Variants in CDH13 observed in about 807,000 individuals in gnomAD.
CDH13 encodes the protein cadherin 13.
CDH13 carries 24 observed loss-of-function variants against 63.8 expected under a neutral mutation model. That is an observed-to-expected ratio of 0.38 (90% CI 0.27 to 0.53). CDH13 has a LOEUF of 0.53. Among genes scored for constraint, CDH13 ranks in the 20% least tolerant of loss-of-function variants. The probability of loss-of-function intolerance (pLI) is 0.85; values close to 1 mark genes in which losing one functional copy is unlikely to be tolerated. For missense variants in CDH13, 1,049 were observed against 903.1 expected (o/e 1.16, Z -2.07); for synonymous variants, 503 against 355.3 (o/e 1.42, Z -4.67).
chr16:83,649,484 G>T (rs1440105744), intron 8 of CDH13, among the ~76,000 whole-genome samples: 1 of 152,148 alleles, frequency 6.6e-6, no homozygotes, highest in Non-Finnish European at 1.5e-5. Flanking sequence ...TACGCATGTT[G>T]TGGTTGTTTT....
intron 10 of CDH13, among the ~76,000 whole-genome samples, chr16:83,736,268 C>T (rs1037094223): frequency 6.6e-6 from 1 of 152,140 alleles, no homozygotes; most frequent in African/African-American, 2.4e-5. Context: ...CCTGTTTTCA[C>T]CTAGGATTGA....
chr16:83,309,931 C>T (rs78621527), intron 5 of CDH13, among the ~76,000 whole-genome samples: 2 of 152,040 alleles, frequency 1.3e-5, no homozygotes, highest in African/African-American at 4.8e-5. Context: ...AAGTGGCTCT[C>T]CCTCAGCATA....
intron 5 of CDH13, among the ~76,000 whole-genome samples, chr16:83,299,642 T>C (rs905378733): frequency 1.3e-5 from 2 of 152,250 alleles, no homozygotes; most frequent in Non-Finnish European, 2.9e-5. Context: ...AAAGCATCTC[T>C]TAACCTCCTC....
At chr16:83,357,745 A>G (rs570999316) in intron 6 of CDH13, among the ~76,000 whole-genome samples, 1 of 152,304 alleles carries the variant, frequency 6.6e-6, no homozygotes, top group East Asian at 1.9e-4. Context: ...TTCTCCCTAA[A>G]TGGAGAAAAT....
intron 5 of CDH13, among the ~76,000 whole-genome samples, chr16:83,241,421 T>C (rs562936233): frequency 2.6e-5 from 4 of 152,368 alleles, no homozygotes; most frequent in African/African-American, 9.6e-5. Context: ...TTTTCTATAA[T>C]GATTGTGCTA....
rs138409685 is a variant in CDH13, at chr16:83,454,619, A to G, written c.782-31858A>G. On this transcript the variant is annotated intron_variant, in intron 6 of 13. Transcript: ENST00000567109. ...GTCTAATTTATTTGGCCATTTTCCT[A>G]TGGTTAAACATCTAGGCCATCGATT... Among the ~76,000 whole-genome samples, 142 of 152,268 alleles carry G rather than the reference A, an allele frequency of 9.3e-4. 2 individuals are homozygous for G. Among genetic ancestry groups the G allele is most frequent in the African/African-American group, 3.3e-3 (135 of 41,528 alleles).
chr16:83,093,703 T>G (rs1447971409), intron 3 of CDH13, among the ~76,000 whole-genome samples: 5 of 152,196 alleles, frequency 3.3e-5, no homozygotes, highest in Non-Finnish European at 7.3e-5. Context: ...ATGCACATCT[T>G]CATGCCGGAA....
Position 83,361,802 on chromosome 16 carries a change from C to T in CDH13, c.781+16796C>T, listed in dbSNP as rs78983053. Among the ~76,000 whole-genome samples, 1,338 of 152,084 alleles carry T rather than the reference C, an allele frequency of 8.8e-3. 20 individuals carry two copies. The highest frequency in any genetic ancestry group is 0.031 in the African/African-American group (1,286 of 41,488). On this transcript the variant is annotated intron_variant, in intron 6 of 13. Coordinates refer to ENST00000567109, the MANE Select transcript of CDH13 (RefSeq NM_001257.5). ...TTAGTCTATGTGTCTATTTATGTAC[C>T]GTACCATGCTGTTTTAGTTACCGTA... is the stretch of plus-strand genomic sequence containing the variant.
chr16:83,027,737 T>G (rs1289776918), intron 2 of CDH13, among the ~76,000 whole-genome samples: 1 of 152,152 alleles, frequency 6.6e-6, no homozygotes, highest in African/African-American at 2.4e-5. Flanking sequence ...GGGCTTAGCT[T>G]ATCTCCATTC....
chr16:82,905,269 G>C (rs2041603585), intron 2 of CDH13, among the ~76,000 whole-genome samples: 1 of 152,132 alleles, frequency 6.6e-6, no homozygotes, highest in African/African-American at 2.4e-5. Context: ...AGGTTAAGAG[G>C]TTAAGCAACT....
intron 2 of CDH13, among the ~76,000 whole-genome samples, chr16:82,993,542 A>G (rs1202933831): frequency 9.9e-5 from 15 of 152,198 alleles, no homozygotes; most frequent in Admixed American, 9.8e-4. Flanking sequence ...GTGAAGTAGC[A>G]TTGGGCCATG....
chr16:83,328,315 A>G (rs1184988648), intron 5 of CDH13, among the ~76,000 whole-genome samples: 1 of 152,172 alleles, frequency 6.6e-6, no homozygotes, highest in Non-Finnish European at 1.5e-5. Context: ...CTTCAGAGTG[A>G]AATAAAAATT....
intron 4 of CDH13, among the ~76,000 whole-genome samples, chr16:83,170,872 G>C (rs1006097694): frequency 1.3e-5 from 2 of 151,906 alleles, no homozygotes; most frequent in African/African-American, 4.8e-5. Flanking sequence ...CAAAAATAGA[G>C]AGAAGAGATC....
At chr16:82,718,192 T>A (rs2032516245) in intron 1 of CDH13, among the ~76,000 whole-genome samples, 1 of 152,212 alleles carries the variant, frequency 6.6e-6, no homozygotes, top group Non-Finnish European at 1.5e-5. Flanking sequence ...TGAATCCCAC[T>A]GGGGACTCTG....
At chr16:83,298,027 A>G (rs1370187676) in intron 5 of CDH13, among the ~76,000 whole-genome samples, 1 of 149,138 alleles carries the variant, frequency 6.7e-6, no homozygotes, top group Non-Finnish European at 1.5e-5. Context: ...CCTAGGTAAC[A>G]TGGCAAAACC....
intron 5 of CDH13, among the ~76,000 whole-genome samples, chr16:83,242,804 C>T (rs1904595611): frequency 6.6e-6 from 1 of 152,196 alleles, no homozygotes; most frequent in Non-Finnish European, 1.5e-5. Flanking sequence ...TGTCAGTTGG[C>T]AATGTCCACC....
At chr16:82,715,505 T>C (rs2032302061) in intron 1 of CDH13, among the ~76,000 whole-genome samples, 1 of 152,180 alleles carries the variant, frequency 6.6e-6, no homozygotes, top group East Asian at 1.9e-4. Flanking sequence ...AAGGATTTTA[T>C]TTGATTTTTG....
intron 1 of CDH13, among the ~76,000 whole-genome samples, chr16:82,783,726 C>T (rs147792972): frequency 2.6e-3 from 391 of 152,236 alleles, no homozygotes; most frequent in African/African-American, 8.8e-3. Context: ...TCCTCCCTTC[C>T]GAGGCAAGGG....
intron 8 of CDH13, among the ~76,000 whole-genome samples, chr16:83,658,118 A>G (rs1386217547): frequency 1.6e-5 from 2 of 125,370 alleles, no homozygotes; most frequent in African/African-American, 6.3e-5. Context: ...ACCAGGTGCC[A>G]TATCCTCACC....
Sources: gnomAD v4.1 joint callset for allele counts (sites outside exome capture counted in the v4.1 genomes callset) on GRCh38, gnomAD v4.1.1 for gene constraint, MANE v1.5 for transcripts, NCBI Gene and HGNC (gene_info 2026-07-23, HGNC 2026-07-21) for gene names.